SLC25A13: variants seen among roughly 807,000 people sequenced by gnomAD.
The protein encoded by SLC25A13 is solute carrier family 25 member 13.
A neutral mutation model predicts 85.5 loss-of-function variants in SLC25A13; 70 were observed. The observed-to-expected ratio is 0.82, with a 90% CI of 0.68 to 1.00. The LOEUF (loss-of-function observed/expected upper bound fraction) is 1.00. Ranked by LOEUF, SLC25A13 falls within the 50% of genes least tolerant of loss-of-function variation. SLC25A13 has a pLI of 0.00. For missense variants in SLC25A13, 765 were observed against 819.8 expected, an observed-to-expected ratio of 0.93 and a Z score of 0.82; for synonymous variants, 259 against 288.7, an observed-to-expected ratio of 0.90 and a Z score of 1.04.
chr7:96,213,445 G>A (rs146713509), intron 4 of SLC25A13, among the ~76,000 whole-genome samples: 44 of 152,240 alleles, frequency 2.9e-4, no homozygotes, highest in African/African-American at 9.4e-4. Context: ...AATCCAAAGC[G>A]ATTTTCAAGC....
Position 96,146,633 on chromosome 7 carries a change from C to T in SLC25A13, c.1375G>A (p.Ala459Thr). Residue 459 changes from alanine to threonine, a missense_variant, in exon 14 of 18, where the codon GCA becomes ACA. Coordinates refer to ENST00000265631, the MANE Select transcript of SLC25A13 (RefSeq NM_014251.3). ...CGAGGACCAGTGGTGATTTCTCCTGCCACTTGCAAACGGATCTTGACGATT... is the reference window on the plus strand; with the variant it reads ...CGAGGACCAGTGGTGATTTCTCCTGTCACTTGCAAACGGATCTTGACGATT... ...LEIVKIRLQV[A>T]GEITTGPRVS... 6.2e-7 allele frequency: 1 copy of T among 1,614,052 alleles called. No individual in the cohort carries two copies. Among genetic ancestry groups the T allele is most frequent in the Non-Finnish European group, 8.5e-7 (1 of 1,179,986 alleles).
chr7:96,315,917 C>CCAAA (rs1800109430), intron 1 of SLC25A13, among the ~76,000 whole-genome samples: 1 of 151,684 alleles, frequency 6.6e-6, no homozygotes, highest in African/African-American at 2.4e-5. Context: ...AATATACAGC[C>CCAAA]CAAAGCCTGG....
At chr7:96,242,707 T>C (rs966866619) in intron 3 of SLC25A13, among the ~76,000 whole-genome samples, 6 of 152,166 alleles carry the variant, frequency 3.9e-5, no homozygotes, top group Admixed American at 2.0e-4. Context: ...CTCCAACCAA[T>C]TGTCAACCAG....
At chr7:96,151,562 A>C (rs1014474762) in intron 13 of SLC25A13, among the ~76,000 whole-genome samples, 7 of 151,604 alleles carry the variant, frequency 4.6e-5, no homozygotes, top group Non-Finnish European at 8.8e-5. Flanking sequence ...GTGCCACTGC[A>C]CTCCAGCCTG....
intron 14 of SLC25A13, among the ~76,000 whole-genome samples, chr7:96,141,446 T>C (rs1359692790): frequency 6.6e-6 from 1 of 152,066 alleles, no homozygotes; most frequent in Non-Finnish European, 1.5e-5. Context: ...TCTCAATGAG[T>C]GTGTTGAGTG....
intron 5 of SLC25A13, among the ~76,000 whole-genome samples, chr7:96,200,083 C>T (rs1215299545): frequency 6.6e-6 from 1 of 151,672 alleles, no homozygotes; most frequent in Non-Finnish European, 1.5e-5. Flanking sequence ...GCCAAAAATG[C>T]CAAAAAATAA....
intron 3 of SLC25A13, among the ~76,000 whole-genome samples, chr7:96,272,130 C>T (rs1172618865): frequency 7.2e-5 from 11 of 152,120 alleles, no homozygotes; most frequent in African/African-American, 2.4e-4. Context: ...TCAGGTGATC[C>T]GCCTGCCTCG....
intron 5 of SLC25A13, among the ~76,000 whole-genome samples, chr7:96,196,521 G>T (rs917351177): frequency 1.3e-5 from 2 of 152,150 alleles, no homozygotes; most frequent in African/African-American, 4.8e-5. Flanking sequence ...TAGCAGGACA[G>T]GGGACATACC....
At chr7:96,198,147 C>T (rs574022796) in intron 5 of SLC25A13, among the ~76,000 whole-genome samples, 7 of 152,230 alleles carry the variant, frequency 4.6e-5, no homozygotes, top group East Asian at 1.9e-4. Context: ...ATGGGTAGAG[C>T]GTAAACAGAA....
chr7:96,219,422 G>A (rs953298419), intron 4 of SLC25A13, among the ~76,000 whole-genome samples: 3 of 152,136 alleles, frequency 2.0e-5, no homozygotes, highest in African/African-American at 7.2e-5. Flanking sequence ...TGTACTTAGG[G>A]ATGGAACTAG....
chr7:96,123,578 A>T (rs1791604462), intron 15 of SLC25A13, among the ~76,000 whole-genome samples: 1 of 152,222 alleles, frequency 6.6e-6, no homozygotes, highest in Non-Finnish European at 1.5e-5. Flanking sequence ...TGCCTGGCAA[A>T]ACTGATAGGA....
At position 96,277,193 on chromosome 7, in the gene SLC25A13, T is replaced by C. The variant is rs1330806423; in HGVS notation, c.212+3A>G. 1 of 1,565,604 alleles carries C rather than the reference T, an allele frequency of 6.4e-7. No individual in the cohort carries two copies. ...TAAATAAAATAATTAAAAATAAACA[T>C]ACCCATCTTTGGTCTGATCCACCAC... On this transcript the variant is annotated splice_donor_region_variant and intron_variant, in intron 3 of 17. Coordinates refer to ENST00000265631, the MANE Select transcript of SLC25A13 (RefSeq NM_014251.3).
At chr7:96,143,736 T>G (rs1792663007) in intron 14 of SLC25A13, among the ~76,000 whole-genome samples, 1 of 152,234 alleles carries the variant, frequency 6.6e-6, no homozygotes, top group Non-Finnish European at 1.5e-5. Context: ...AGTTTGCTTA[T>G]TTTGCAAGTC....
At chr7:96,204,449 TG>T (rs368831208) in intron 5 of SLC25A13, among the ~76,000 whole-genome samples, 38 of 151,880 alleles carry the variant, frequency 2.5e-4, no homozygotes, top group African/African-American at 7.7e-4. Flanking sequence ...CCAAGGCGGG[TG>T]GATCACTTGA....
chr7:96,129,972 A>T (rs1791951685), intron 15 of SLC25A13, among the ~76,000 whole-genome samples: 1 of 152,248 alleles, frequency 6.6e-6, no homozygotes, highest in African/African-American at 2.4e-5. Context: ...AATGTTAAAT[A>T]GCAATTATCT....
chr7:96,321,451 A>C (rs1800336747), intron 1 of SLC25A13, among the ~76,000 whole-genome samples: 1 of 152,232 alleles, frequency 6.6e-6, no homozygotes, highest in Non-Finnish European at 1.5e-5. Context: ...AACGGAAGTC[A>C]AAGTAACTTC....
chr7:96,262,762 T>C (rs890447615), intron 3 of SLC25A13, among the ~76,000 whole-genome samples: 1 of 152,204 alleles, frequency 6.6e-6, no homozygotes, highest in Admixed American at 6.5e-5. Context: ...GAAAGTTTCA[T>C]GGTAGAGCAG....
chr7:96,164,380 A>AACC (rs1323270082), intron 13 of SLC25A13, among the ~76,000 whole-genome samples: 5 of 152,208 alleles, frequency 3.3e-5, no homozygotes, highest in Non-Finnish European at 7.3e-5. Context: ...CTCCAGCTGA[A>AACC]ACCATGGGAA....
At chr7:96,141,571 G>A (rs1373055729) in intron 14 of SLC25A13, among the ~76,000 whole-genome samples, 1 of 152,170 alleles carries the variant, frequency 6.6e-6, no homozygotes, top group African/African-American at 2.4e-5. Flanking sequence ...TTTCACAGAT[G>A]CTCAGATGAA....
Sources: allele counts gnomAD v4.1 joint callset (sites outside exome capture counted in the v4.1 genomes callset), GRCh38; gene constraint gnomAD v4.1.1; transcripts MANE v1.5; gene names NCBI Gene and HGNC (gene_info 2026-07-23, HGNC 2026-07-21).